RALGAPA1: variants seen among roughly 807,000 people sequenced by gnomAD.
RALGAPA1 encodes Ral GTPase activating protein catalytic subunit alpha 1.
Under a neutral mutation model 269.6 loss-of-function variants are expected in RALGAPA1, and 52 were observed. The observed-to-expected ratio is 0.19, with a 90% CI of 0.15 to 0.24. The LOEUF is 0.24. Ranked by LOEUF, RALGAPA1 falls within the 10% of genes least tolerant of loss-of-function variation. RALGAPA1 has a pLI of 1.00. For missense variants in RALGAPA1, 1,917 were observed against 3,013.9 expected (o/e 0.64, Z 8.52); for synonymous variants, 817 against 1,008.3 (o/e 0.81, Z 3.60).
In RALGAPA1 at chr14:35,657,810, G is replaced by A. The variant is rs527815029; in HGVS notation, c.5387+1328C>T. 2.0e-5 allele frequency among the ~76,000 whole-genome samples: 3 copies of A among 151,970 alleles called. No individual in the cohort carries two copies. The East Asian group carries it at 5.8e-4, about 29-fold the overall frequency. ...AAGCCTCTGAAGACAAACTGCCAGGGTTCTGTCATATCTAGATGACAGGGC... is the reference window on the plus strand; with the variant it reads ...AAGCCTCTGAAGACAAACTGCCAGGATTCTGTCATATCTAGATGACAGGGC... On this transcript the variant is annotated intron_variant, in intron 28 of 41. Coordinates refer to ENST00000680220, the MANE Select transcript of RALGAPA1 (RefSeq NM_001346249.2).
intron 37 of RALGAPA1, among the ~76,000 whole-genome samples, chr14:35,574,945 T>C (rs1474162008): frequency 3.9e-5 from 6 of 151,964 alleles, no homozygotes; most frequent in Non-Finnish European, 7.4e-5. Flanking sequence ...CTGGCCAACA[T>C]GGTGAAACCC....
chr14:35,583,140 C>T lies in RALGAPA1; in HGVS notation c.7210-10422G>A, dbSNP rs114956451. On this transcript the variant is annotated intron_variant, in intron 37 of 41. Transcript: ENST00000680220. ...ACCAGAGTCAGATGTGGCAGAGATGCTAGAATTATCAGACCAGGAATTTAA... is the reference window on the plus strand; with the variant it reads ...ACCAGAGTCAGATGTGGCAGAGATGTTAGAATTATCAGACCAGGAATTTAA... Among the ~76,000 whole-genome samples, 773 of 152,238 alleles carry T rather than the reference C, an allele frequency of 5.1e-3. 3 individuals are homozygous for T. The highest frequency in any genetic ancestry group is 0.018 in the African/African-American group (738 of 41,528).
At chr14:35,597,904 C>G (rs939463440) in intron 36 of RALGAPA1, among the ~76,000 whole-genome samples, 15 of 152,156 alleles carry the variant, frequency 9.9e-5, no homozygotes, top group African/African-American at 2.9e-4. Flanking sequence ...TATTTCAATG[C>G]TTTTAAATTT....
intron 35 of RALGAPA1, among the ~76,000 whole-genome samples, chr14:35,624,156 C>CAAAAAAAAAAAAAAAA (rs377171729): frequency 4.6e-5 from 1 of 21,834 alleles, no homozygotes; most frequent in African/African-American, 1.1e-4. Flanking sequence ...TAATACAACG[C>CAAAAAAAAAAAAAAAA]AAAAAAAAAA....
chr14:35,649,280 C>T (rs771998255), intron 31 of RALGAPA1, among the ~76,000 whole-genome samples: 5 of 152,276 alleles, frequency 3.3e-5, no homozygotes, highest in Admixed American at 1.3e-4. Context: ...TAGCTCAGAA[C>T]GTCATCAATT....
rs570245979 is a variant in RALGAPA1, at chr14:35,685,513, C to T, written c.4078-368G>A. 3.9e-5 allele frequency among the ~76,000 whole-genome samples: 6 copies of T among 152,146 alleles called. No homozygotes were observed. In the South Asian group the frequency reaches 1.2e-3, roughly 32 times the overall value. On this transcript the variant is annotated intron_variant, in intron 19 of 41. Transcript: ENST00000680220. ...AAAGATGTCATTCAATGATTTTTAT[C>T]CACTCAAGGGAAAAAAGTAAGCCTA...
intron 39 of RALGAPA1, among the ~76,000 whole-genome samples, chr14:35,553,440 T>A (rs927177829): frequency 6.6e-6 from 1 of 152,164 alleles, no homozygotes; most frequent in Non-Finnish European, 1.5e-5. Flanking sequence ...CATAAAAGAA[T>A]AGATAAAGGT....
intron 37 of RALGAPA1, among the ~76,000 whole-genome samples, chr14:35,582,233 T>C (rs1212807755): frequency 6.6e-6 from 1 of 152,138 alleles, no homozygotes; most frequent in Non-Finnish European, 1.5e-5. Context: ...AATGGGGAAT[T>C]ACTGTTTAAT....
At chr14:35,628,122 A>C (rs2061104688) in intron 33 of RALGAPA1, among the ~76,000 whole-genome samples, 171 bp from the exon 34 acceptor site, 1 of 152,206 alleles carries the variant, frequency 6.6e-6, no homozygotes, top group African/African-American at 2.4e-5. Context: ...TCTTTGATGA[A>C]GTTTTGTTTA....
intron 22 of RALGAPA1, among the ~76,000 whole-genome samples, chr14:35,675,369 G>A (rs527336468): frequency 6.6e-6 from 1 of 152,048 alleles, no homozygotes; most frequent in East Asian, 1.9e-4. Context: ...GTTTAAACAG[G>A]GTTTCACTAT....
intron 32 of RALGAPA1, 149 bp downstream of exon 32, chr14:35,635,315 T>C (rs1176685608): frequency 1.2e-6 from 1 of 849,332 alleles, no homozygotes; most frequent in African/African-American, 1.8e-5. Context: ...GAAGCACTTT[T>C]AAATTACCCT....
At chr14:35,618,099 T>C (rs1327059519) in intron 35 of RALGAPA1, among the ~76,000 whole-genome samples, 1 of 152,082 alleles carries the variant, frequency 6.6e-6, no homozygotes, top group Admixed American at 6.5e-5. Flanking sequence ...ATGTTATGAT[T>C]TCTTCCAAAA....
chr14:35,688,825 T>C lies in RALGAPA1; in HGVS notation c.3586A>G (p.Thr1196Ala). 7.3e-7 allele frequency: 1 copy of C among 1,360,684 alleles called. No individual in the cohort carries two copies. The highest frequency in any genetic ancestry group is 9.4e-7 in the Non-Finnish European group (1 of 1,060,150). 84.3% of individuals were successfully genotyped at this position (1,360,684 alleles called of 1,614,324 possible). A position where few individuals can be genotyped will look rare whatever the true frequency, so the allele number is the denominator to read the frequency against. ...SGSSNSSTSN[T>A]HTSTNSATEL... ...GTAGCACTATTTGTGCTGGTATGGG[T>C]GTTGCTAGTGCTGCTATTGCTGCTA... Residue 1196 changes from threonine (T) to alanine (A), a missense_variant, in exon 18 of 42, where the codon ACC becomes GCC. By Grantham distance (58) the Thr-to-Ala change is moderately conservative. This residue lies in a region of RALGAPA1 where 615 missense variants were observed against 790.0 expected (regional missense o/e 0.78). Transcript: ENST00000680220.
intron 35 of RALGAPA1, among the ~76,000 whole-genome samples, chr14:35,623,101 A>T (rs2098889024): frequency 6.6e-6 from 1 of 151,696 alleles, no homozygotes; most frequent in South Asian, 2.1e-4. Context: ...AAAAAAAAAA[A>T]TCTAGAGAGA....
rs557306919 is a variant in RALGAPA1 at position 35,767,564 on chromosome 14, T to C, written c.325+3378A>G. Among the ~76,000 whole-genome samples, 73 of 151,966 alleles carry C rather than the reference T, an allele frequency of 4.8e-4. 1 individual carries two copies. Among genetic ancestry groups the C allele is most frequent in the Non-Finnish European group, 2.5e-4 (17 of 68,000 alleles). On this transcript the variant is annotated intron_variant, in intron 4 of 41. Transcript: ENST00000680220. Reference sequence around the variant, plus strand: ...AGCCGGGCGTGGTGGCATGTGCCTGTATAGTCCCAGCTACTCAGGAGGCTG... The same window carrying C: ...AGCCGGGCGTGGTGGCATGTGCCTGCATAGTCCCAGCTACTCAGGAGGCTG...
intron 35 of RALGAPA1, among the ~76,000 whole-genome samples, chr14:35,613,235 C>G (rs2060063740): frequency 3.3e-5 from 5 of 151,946 alleles, no homozygotes; most frequent in Admixed American, 2.6e-4. Context: ...GTGTGCACCA[C>G]CATGCTTGGC....
chr14:35,591,119 A>G lies in RALGAPA1; in HGVS notation c.7209+4515T>C, dbSNP rs537281690. 2.6e-5 allele frequency among the ~76,000 whole-genome samples: 4 copies of G among 152,324 alleles called. No homozygotes were observed. In the South Asian group the frequency reaches 8.3e-4, roughly 32 times the overall value. ...AATGACTTTTCCATGGCTGTGTGAG[A>G]TACAGCAAAATGGTGGTGTAAATTT... On this transcript the variant is annotated intron_variant, in intron 37 of 41. Transcript: ENST00000680220.
rs527834315 is a variant in RALGAPA1, at chr14:35,767,336, C to A, written c.325+3606G>T. 3.9e-5 allele frequency among the ~76,000 whole-genome samples: 6 copies of A among 151,980 alleles called. 1 individual carries two copies. In the South Asian group the frequency reaches 1.2e-3, roughly 32 times the overall value. On this transcript the variant is annotated intron_variant, in intron 4 of 41. Transcript: ENST00000680220. ...AGAGGGAAATTTATAGTTTTAAATA[C>A]CTATATCAGAAAAGAAGAAAGCTAT...
At chr14:35,548,446 T>C in intron 41 of RALGAPA1, 62 bp downstream of exon 41, 1 of 1,216,958 alleles carries the variant, frequency 8.2e-7, no homozygotes, top group South Asian at 1.5e-5. Context: ...TAGAGCCTGC[T>C]AATTTTGAAA....
Sources: gnomAD v4.1 joint callset for allele counts (sites outside exome capture counted in the v4.1 genomes callset) on GRCh38, gnomAD v4.1.1 for gene constraint, gnomAD v4.1.1 regional missense constraint, MANE v1.5 for transcripts, NCBI Gene and HGNC (gene_info 2026-07-23, HGNC 2026-07-21) for gene names.